PRKDC: variants seen among roughly 807,000 people sequenced by gnomAD.
The protein encoded by PRKDC is DNA-dependent protein kinase catalytic subunit.
A neutral mutation model predicts 486.9 loss-of-function variants in PRKDC; 82 were observed. The ratio of observed to expected loss-of-function variants is 0.17; its 90% CI spans 0.14 to 0.20. The LOEUF is 0.20. PRKDC is among the 10% of genes least tolerant of loss of function. The pLI is 1.00. For missense variants in PRKDC, 4,504 were observed against 5,038.2 expected, an observed-to-expected ratio of 0.89 and a Z score of 3.21; for synonymous variants, 1,895 against 1,837.0, an observed-to-expected ratio of 1.03 and a Z score of -0.81.
chr8:47,937,197 G>A (rs1169526929), intron 11 of PRKDC, among the ~76,000 whole-genome samples: 1 of 151,986 alleles, frequency 6.6e-6, no homozygotes, highest in African/African-American at 2.4e-5. Context: ...GGAAGCGGAG[G>A]TTGCGGTGAG....
intron 9 of PRKDC, 90 bp from the exon 10 acceptor site, chr8:47,943,456 C>T: frequency 1.5e-6 from 2 of 1,339,178 alleles, no homozygotes; most frequent in Non-Finnish European, 2.0e-6. Flanking sequence ...TCAAAGTCAA[C>T]ACTGTGCTCA....
At position 47,828,256 on chromosome 8, in the gene PRKDC, T is replaced by C. The variant is rs369034453; in HGVS notation, c.8489A>G (p.Asn2830Ser). ...MDKFKTLSEK[N>S]NITQKLLQDF... ...TTGAAGCAACTTTTGAGTGATGTTG[T>C]TTTTTTCAGACAGTGTCTTAAATTT... Residue 2830 changes from asparagine (N) to serine (S), a missense_variant, in exon 62 of 86, where the codon AAC becomes AGC. Asn to Ser is a conservative substitution (Grantham distance 46, BLOSUM62 1). Coordinates refer to ENST00000314191, the MANE Select transcript of PRKDC (RefSeq NM_006904.7). 6.2e-7 allele frequency: 1 copy of C among 1,613,082 alleles called. No individual in the cohort carries two copies. The highest frequency in any genetic ancestry group is 2.2e-5 in the East Asian group (1 of 44,862).
rs1316203904 is a variant in PRKDC, at chr8:47,957,161, T to A, written c.324+10A>T. ...ATATAATGTAATAAGGTATGTTTTT[T>A]AATTCTTACCTTAATTTCAACAGAG... On this transcript the variant is annotated intron_variant, in intron 3 of 85. Coordinates refer to ENST00000314191, the MANE Select transcript of PRKDC (RefSeq NM_006904.7). The A allele has an allele frequency of 6.6e-7, 1 of 1,526,564 alleles. No homozygotes were observed. The highest frequency in any genetic ancestry group is 9.0e-7 in the Non-Finnish European group (1 of 1,108,298). 94.6% of individuals were successfully genotyped at this position (1,526,564 alleles called of 1,614,324 possible).
rs754488029 is a variant in PRKDC, at chr8:47,831,803, A to G, written c.8265+11T>C. 3.2e-5 allele frequency: 52 copies of G among 1,612,378 alleles called. No homozygotes were observed. The highest frequency in any genetic ancestry group is 2.9e-5 in the Non-Finnish European group (34 of 1,178,550). The stretch of plus-strand genomic sequence containing the variant: ...GCATCGTTCTGATCAAATTCTTGAC[A>G]AGATACAAACCTTCTCTCGTTTTTG... On this transcript the variant is annotated intron_variant, in intron 60 of 85. Transcript: ENST00000314191.
In PRKDC at chr8:47,900,208, A is replaced by G. The variant is rs8178075; in HGVS notation, c.3364+165T>C. 3.2e-4 allele frequency among the ~76,000 whole-genome samples: 48 copies of G among 152,294 alleles called. 1 individual carries two copies. In the East Asian group the frequency reaches 8.9e-3, roughly 28 times the overall value. ...AAAATAAGGGCATGAAAAAATTATT[A>G]ACAAGCTGGGTTTGAGGCACTGAAG... On this transcript the variant is annotated intron_variant, in intron 28 of 85. Transcript: ENST00000314191.
Position 47,927,253 on chromosome 8 carries a change from G to C in PRKDC, c.2360C>G (p.Pro787Arg). ...GCAGGGGAGAATGTCTTTGTAATAA[G>C]GCTGCATTACATGTCTGTCAATATA... is the stretch of plus-strand genomic sequence containing the variant. ...SIYIDRHVMQ[P>R]YYKDILPCLD... Residue 787 changes from proline (P) to arginine (R), a missense_variant, in exon 21 of 86, where the codon CCT becomes CGT. Coordinates refer to ENST00000314191, the MANE Select transcript of PRKDC (RefSeq NM_006904.7). 1 of 1,613,698 alleles carries C rather than the reference G, an allele frequency of 6.2e-7. No individual in the cohort carries two copies. Among genetic ancestry groups the C allele is most frequent in the South Asian group, 1.1e-5 (1 of 91,068 alleles).
intron 10 of PRKDC, among the ~76,000 whole-genome samples, chr8:47,941,763 A>G (rs1452603751): frequency 6.6e-6 from 1 of 152,272 alleles, no homozygotes; most frequent in Non-Finnish European, 1.5e-5. Context: ...AGCATTGAGG[A>G]TAGTTCTCTT....
intron 67 of PRKDC, 24 bp from the exon 68 acceptor site, chr8:47,817,585 CTA>C (rs1385153631): frequency 2.2e-6 from 3 of 1,377,526 alleles, no homozygotes; most frequent in Non-Finnish European, 3.1e-6. Flanking sequence ...TAGAGGGTGA[CTA>C]TACACACAGC....
intron 59 of PRKDC, 34 bp downstream of exon 59, chr8:47,834,162 A>G (rs1332382789): frequency 6.2e-7 from 1 of 1,610,820 alleles, no homozygotes; most frequent in Non-Finnish European, 8.5e-7. Flanking sequence ...TTAGTGGGGA[A>G]GCTATTTTAA....
intron 68 of PRKDC, among the ~76,000 whole-genome samples, chr8:47,813,829 C>T (rs1391227774): frequency 6.6e-6 from 1 of 152,188 alleles, no homozygotes; most frequent in East Asian, 1.9e-4. Context: ...CCACCTTGGC[C>T]TCCCAAAGTG....
At chr8:47,820,369 C>T (rs1178964428) in intron 66 of PRKDC, among the ~76,000 whole-genome samples, 1 of 151,902 alleles carries the variant, frequency 6.6e-6, no homozygotes, top group Non-Finnish European at 1.5e-5. Flanking sequence ...AAAAGAGAAA[C>T]TTGGTCTCAA....
chr8:47,930,056 T>C (rs756866615), intron 17 of PRKDC, 44 bp from the exon 18 acceptor site: 2 of 1,533,324 alleles, frequency 1.3e-6, no homozygotes, highest in Non-Finnish European at 1.8e-6. Context: ...TTTGTATCAT[T>C]CTGATCTTAA....
chr8:47,882,164 C>A, intron 36 of PRKDC, 67 bp from the exon 37 acceptor site: 1 of 1,425,160 alleles, frequency 7.0e-7, no homozygotes, highest in Non-Finnish European at 9.7e-7. Flanking sequence ...ACAAAATTTA[C>A]CTTTATTTCA....
intron 16 of PRKDC, among the ~76,000 whole-genome samples, chr8:47,931,458 T>A (rs538140868): frequency 6.6e-6 from 1 of 151,430 alleles, no homozygotes; most frequent in South Asian, 2.1e-4. Flanking sequence ...AATGCAGGTC[T>A]GTCAGCTGAC....
intron 76 of PRKDC, among the ~76,000 whole-genome samples, chr8:47,787,206 A>G (rs1359548744): frequency 2.6e-5 from 4 of 152,238 alleles, no homozygotes; most frequent in Non-Finnish European, 4.4e-5. Context: ...TTACCTGATC[A>G]TCTCTAATTA....
intron 7 of PRKDC, among the ~76,000 whole-genome samples, chr8:47,953,006 T>A (rs999685040): frequency 6.6e-6 from 1 of 152,072 alleles, no homozygotes; most frequent in African/African-American, 2.4e-5. Flanking sequence ...TGCCATTTAG[T>A]GGCGAGTGCC....
Position 47,807,289 on chromosome 8 carries a change from G to T in PRKDC, c.9595C>A (p.Pro3199Thr). ...FLSKIEEKLT[P>T]LPEDNSMNVD... is the part of the protein sequence containing the mutation. ...TTCATACTATTATCTTCTGGAAGAGGGGTAAGCTTCTCCTCTATTTTGCTG... is the reference window on the plus strand; with the variant it reads ...TTCATACTATTATCTTCTGGAAGAGTGGTAAGCTTCTCCTCTATTTTGCTG... The change falls in exon 69 of 86, where the codon CCT becomes ACT. Residue 3199 changes from proline to threonine, a missense_variant. By Grantham distance (38) the Pro-to-Thr change is conservative (BLOSUM62 -1). Around this residue, in one of 6 missense-constraint regions of PRKDC, gnomAD observed 1,592 missense variants for 1,724.6 expected, o/e 0.92. Coordinates refer to ENST00000314191, the MANE Select transcript of PRKDC (RefSeq NM_006904.7). 1.2e-6 allele frequency: 2 copies of T among 1,600,160 alleles called. No individual in the cohort carries two copies. The highest frequency in any genetic ancestry group is 8.5e-7 in the Non-Finnish European group (1 of 1,172,150).
intron 54 of PRKDC, among the ~76,000 whole-genome samples, chr8:47,844,748 C>T (rs1004614425): frequency 1.3e-5 from 2 of 152,112 alleles, no homozygotes; most frequent in Non-Finnish European, 2.9e-5. Flanking sequence ...CAAAACCATA[C>T]AATTACATAA....
chr8:47,795,176 G>A (rs1390222211), intron 73 of PRKDC, among the ~76,000 whole-genome samples: 3 of 147,114 alleles, frequency 2.0e-5, no homozygotes, highest in African/African-American at 2.5e-5. Context: ...GTGAGCCACC[G>A]TGCCTGGCCA....
Sources: allele counts gnomAD v4.1 joint callset (sites outside exome capture counted in the v4.1 genomes callset), GRCh38; gene constraint gnomAD v4.1.1; regional missense constraint gnomAD v4.1.1; transcripts MANE v1.5; gene names NCBI Gene and HGNC (gene_info 2026-07-23, HGNC 2026-07-21).